SLFN12L: variants seen among roughly 807,000 people sequenced by gnomAD.
SLFN12L encodes schlafen family member 12-like.
In SLFN12L, 34 loss-of-function variants were observed where a neutral mutation model predicts 34.8. The ratio of observed to expected loss-of-function variants is 0.98; its 90% confidence interval spans 0.74 to 1.30. SLFN12L has a LOEUF of 1.30. SLFN12L is among the 50% of genes most tolerant of loss of function. The pLI, the probability that SLFN12L is intolerant of heterozygous loss-of-function variation, is 0.00. For synonymous variants in SLFN12L, 259 were observed against 247.5 expected (o/e 1.05, Z -0.44); for missense variants, 703 against 696.2 (o/e 1.01, Z -0.11).
At chr17:35,526,990 G>A (rs1479254210) in intron 1 of SLFN12L, among the ~76,000 whole-genome samples, 1 of 150,672 alleles carries the variant, frequency 6.6e-6, no homozygotes, top group African/African-American at 2.4e-5. Flanking sequence ...AAAGAGAGAA[G>A]AATCAAATAG....
intron 2 of SLFN12L, among the ~76,000 whole-genome samples, chr17:35,517,312 G>A (rs552989001): frequency 1.6e-3 from 243 of 152,264 alleles, no homozygotes; most frequent in Non-Finnish European, 2.7e-3. Flanking sequence ...TTGCTACAAA[G>A]AGAATAAAAT....
chr17:35,470,745 T>G lies in SLFN12L; in HGVS notation c.*4178A>C, dbSNP rs1341564063. The G allele has an allele frequency of 6.6e-6, 1 of 151,882 alleles. No homozygotes were observed. Among genetic ancestry groups the G allele is most frequent in the African/African-American group, 2.4e-5 (1 of 41,298 alleles). The allele number at this position is 151,882 out of a possible 1,614,324, so 9.4% of individuals were successfully genotyped here. A position where few individuals can be genotyped will look rare whatever the true frequency, so the allele number is the denominator to read the frequency against. ...GTGCAGAATGTGCAGGTTTGTTACA[T>G]AGGTATACATGTGCCATGGTGGTTT... On this transcript the variant is annotated 3_prime_UTR_variant, in exon 5 of 5. Transcript: ENST00000628453.
At chr17:35,495,695 G>T (rs1915031769) in intron 2 of SLFN12L, among the ~76,000 whole-genome samples, 1 of 110,300 alleles carries the variant, frequency 9.1e-6, no homozygotes, top group Non-Finnish European at 1.7e-5. Flanking sequence ...CCACCAGTCC[G>T]ATTCTGCTCG....
rs1913945883 is a variant in SLFN12L at position 35,475,308 on chromosome 17, C to T, written c.1454G>A (p.Cys485Tyr). The T allele has an allele frequency of 6.2e-7, 1 of 1,614,188 alleles. No individual in the cohort carries two copies. The highest frequency in any genetic ancestry group is 8.5e-7 in the Non-Finnish European group (1 of 1,180,032). ...LGLQENHKVL[C>Y]DALLISQDKP... ...GTCCTGGGAAATCAGAAGAGCATCA[C>T]AGAGGACTTTGTGGTTCTCTTGCAA... is the stretch of plus-strand genomic sequence containing the variant. Residue 485 changes from cysteine (C) to tyrosine (Y), a missense_variant, in exon 5 of 5, where the codon TGT (cysteine) becomes TAT (tyrosine). Cys to Tyr is a radical substitution (Grantham distance 194). Transcript: ENST00000628453.
chr17:35,484,269 G>A (rs1411746578), intron 2 of SLFN12L, among the ~76,000 whole-genome samples: 1 of 152,078 alleles, frequency 6.6e-6, no homozygotes, highest in Non-Finnish European at 1.5e-5. Flanking sequence ...ACCTATACTT[G>A]GCACTAATTT....
chr17:35,530,506 A>G lies in SLFN12L; in HGVS notation c.-606+7067T>C, dbSNP rs990851903. Among the ~76,000 whole-genome samples the G allele has an allele frequency of 9.8e-5, 3 of 30,608 alleles. 1 individual carries two copies. Among genetic ancestry groups the G allele is most frequent in the East Asian group, 1.8e-3 (2 of 1,100 alleles). 20.1% of individuals were successfully genotyped at this position (30,608 alleles called of 152,430 possible). On this transcript the variant is annotated intron_variant, in intron 1 of 4. Coordinates refer to ENST00000628453, the MANE Select transcript of SLFN12L (RefSeq NM_001363830.2). Reference sequence around the variant, plus strand: ...AAAGAAAGAAAGAAAGAAAGAAAGAAAGAAAGAAAAGAAAAGAAAAGAAAA... The same window carrying G: ...AAAGAAAGAAAGAAAGAAAGAAAGAGAGAAAGAAAAGAAAAGAAAAGAAAA...
intron 1 of SLFN12L, among the ~76,000 whole-genome samples, chr17:35,530,841 C>T (rs538035970): frequency 1.3e-5 from 2 of 152,060 alleles, no homozygotes; most frequent in Non-Finnish European, 2.9e-5. Flanking sequence ...TCGTGCATGC[C>T]GTGAAAACAT....
At position 35,471,535 on chromosome 17, in the gene SLFN12L, A is replaced by G. The variant is rs1913809037; in HGVS notation, c.*3388T>C. 6.6e-6 allele frequency among the ~76,000 whole-genome samples: 1 copy of G among 152,194 alleles called. No individual in the cohort carries two copies. The highest frequency in any genetic ancestry group is 1.9e-4 in the East Asian group (1 of 5,200). On this transcript the variant is annotated 3_prime_UTR_variant, in exon 5 of 5. Coordinates refer to ENST00000628453, the MANE Select transcript of SLFN12L (RefSeq NM_001363830.2). ...TGGTATTTCTGGTTCTAGATCCTTG[A>G]GGAATCGCCACACTGTCTTCCACAA...
chr17:35,530,565 G>GGAGA (rs1156788356), intron 1 of SLFN12L, among the ~76,000 whole-genome samples: 2 of 150,826 alleles, frequency 1.3e-5, no homozygotes, highest in Non-Finnish European at 3.0e-5. Flanking sequence ...AAAGAGAAAG[G>GGAGA]GAGAGAAGTT....
At chr17:35,508,780 T>G (rs998832157) in intron 2 of SLFN12L, among the ~76,000 whole-genome samples, 2 of 152,192 alleles carry the variant, frequency 1.3e-5, no homozygotes, top group African/African-American at 4.8e-5. Flanking sequence ...CTGAGGAATA[T>G]TGCCTGCATT....
chr17:35,530,508 G>GAAAAGAAAAGA (rs201455748), intron 1 of SLFN12L, among the ~76,000 whole-genome samples: 12 of 32,758 alleles, frequency 3.7e-4, no homozygotes, highest in Middle Eastern at 0.011. Flanking sequence ...AAGAAAGAAA[G>GAAAAGAAAAGA]AAAGAAAAGA....
chr17:35,523,788 A>G (rs558728416), intron 1 of SLFN12L, among the ~76,000 whole-genome samples: 2 of 152,258 alleles, frequency 1.3e-5, no homozygotes, highest in South Asian at 4.1e-4. Flanking sequence ...TATAAAAATG[A>G]TCTAGGCATA....
In SLFN12L at chr17:35,468,748, A is replaced by C. The variant is rs1913754678; in HGVS notation, c.*6175T>G. Among the ~76,000 whole-genome samples, 1 of 152,148 alleles carries C rather than the reference A, an allele frequency of 6.6e-6. No individual in the cohort carries two copies. Among genetic ancestry groups the C allele is most frequent in the Admixed American group, 6.5e-5 (1 of 15,274 alleles). ...TAAGAATTAATGGAGGGCCAAGCAC[A>C]GTGACTCATGCCTATAATTCCAGCA... On this transcript the variant is annotated 3_prime_UTR_variant, in exon 5 of 5. Transcript: ENST00000628453.
At chr17:35,499,550 T>G (rs1915217864) in intron 2 of SLFN12L, 2 of 159,634 alleles carry the variant, frequency 1.3e-5, no homozygotes, top group Non-Finnish European at 1.4e-5. Context: ...GTAAGATTAC[T>G]GAGTCAAAGG....
chr17:35,498,556 G>A, intron 2 of SLFN12L: 2 of 1,445,566 alleles, frequency 1.4e-6, no homozygotes, highest in South Asian at 2.3e-5. Context: ...AGTCCAAAAA[G>A]TACAGTGGAA....
chr17:35,532,667 A>G (rs2072423124), intron 1 of SLFN12L, among the ~76,000 whole-genome samples: 1 of 151,958 alleles, frequency 6.6e-6, no homozygotes, highest in Non-Finnish European at 1.5e-5. Context: ...CAAGGCAGGC[A>G]TATCACTTGA....
chr17:35,527,886 T>C (rs1457062715), intron 1 of SLFN12L, among the ~76,000 whole-genome samples: 1 of 152,116 alleles, frequency 6.6e-6, no homozygotes, highest in Non-Finnish European at 1.5e-5. Flanking sequence ...TAAAGGGTAT[T>C]CAAGTAGGAA....
chr17:35,536,739 G>T (rs541944626), intron 1 of SLFN12L, among the ~76,000 whole-genome samples: 1 of 151,822 alleles, frequency 6.6e-6, no homozygotes, highest in East Asian at 1.9e-4. Context: ...GCCTAGGGAG[G>T]TTGAGACTGC....
chr17:35,524,360 G>A (rs1002914665), intron 1 of SLFN12L, among the ~76,000 whole-genome samples: 1 of 152,216 alleles, frequency 6.6e-6, no homozygotes, highest in African/African-American at 2.4e-5. Context: ...TCCTAGCACA[G>A]CGTTCGAGCT....
Sources: allele counts gnomAD v4.1 joint callset (sites outside exome capture counted in the v4.1 genomes callset), GRCh38; gene constraint gnomAD v4.1.1; transcripts MANE v1.5; gene names NCBI Gene and HGNC (gene_info 2026-07-23, HGNC 2026-07-21).